Variants in WDR49 observed in about 807,000 individuals in gnomAD.
The protein encoded by WDR49 is WD repeat domain 49.
A neutral mutation model predicts 119.5 loss-of-function variants in WDR49; 107 were observed. The observed-to-expected ratio is 0.90, with a 90% CI of 0.77 to 1.05. WDR49 has a LOEUF of 1.05. WDR49 is among the 50% of genes least tolerant of loss of function. WDR49 has a pLI of 0.00. For missense variants in WDR49, 1,240 were observed against 1,220.5 expected, an observed-to-expected ratio of 1.02 and a Z score of -0.24; for synonymous variants, 425 against 418.8, an observed-to-expected ratio of 1.01 and a Z score of -0.18.
Position 167,576,117 on chromosome 3 carries a change from G to A in WDR49, c.1310C>T (p.Ser437Phe), listed in dbSNP as rs576003120. The change falls in exon 8 of 19, where the codon TCC (serine) becomes TTC (phenylalanine). Residue 437 changes from serine to phenylalanine, a missense_variant. Physicochemically the swap from Ser to Phe is radical, Grantham distance 155. Coordinates refer to ENST00000682715, the MANE Select transcript of WDR49 (RefSeq NM_001366157.1). ...GAAAGAACAAGCTATCCTCTGGATG[G>A]ACAGCTGGTGTTGAATATCCCAGAG... The part of the protein sequence containing the change: ...LRLWDIQHQL[S>F]IQRIACSFPK... 6.2e-7 allele frequency: 1 copy of A among 1,614,078 alleles called. No individual in the cohort carries two copies. The highest frequency in any genetic ancestry group is 1.7e-5 in the Admixed American group (1 of 60,024).
At chr3:167,614,288 A>G (rs1716493841) in intron 5 of WDR49, among the ~76,000 whole-genome samples, 1 of 152,014 alleles carries the variant, frequency 6.6e-6, no homozygotes, top group South Asian at 2.1e-4. Context: ...TAGTAGAGAC[A>G]TGGTTTCACC....
rs552753028 is a variant in WDR49, at chr3:167,575,447, C to G, written c.1509+471G>C. ...CAAGTGGCATCATGTTTAACTGAAT[C>G]ATTTTATTATGAATACATTCTGGGC... On this transcript the variant is annotated intron_variant, in intron 8 of 18. Coordinates refer to ENST00000682715, the MANE Select transcript of WDR49 (RefSeq NM_001366157.1). Among the ~76,000 whole-genome samples the G allele has an allele frequency of 2.2e-4, 33 of 152,308 alleles. No homozygotes were observed. In the South Asian group the frequency reaches 6.8e-3, roughly 32 times the overall value.
chr3:167,618,550 T>C (rs554086730), intron 5 of WDR49, among the ~76,000 whole-genome samples: 53 of 152,310 alleles, frequency 3.5e-4, no homozygotes, highest in Non-Finnish European at 5.9e-4. Context: ...CTGAGAAATA[T>C]ATAATACGAA....
intron 2 of WDR49, among the ~76,000 whole-genome samples, chr3:167,649,954 C>A (rs1406683113): frequency 3.3e-5 from 5 of 152,174 alleles, no homozygotes; most frequent in African/African-American, 9.7e-5. Context: ...CAGGACCTAA[C>A]CTGGAGAGCC....
chr3:167,544,304 GA>G (rs1560278245), intron 10 of WDR49, among the ~76,000 whole-genome samples: 1 of 151,866 alleles, frequency 6.6e-6, no homozygotes, highest in Admixed American at 6.6e-5. Context: ...CACAGAATTA[GA>G]AAAAACAAAC....
intron 8 of WDR49, among the ~76,000 whole-genome samples, chr3:167,573,960 CCTTTTAGAGATGTTAG>C (rs1714093802): frequency 6.6e-6 from 1 of 152,200 alleles, no homozygotes; most frequent in South Asian, 2.1e-4. Flanking sequence ...ACTTCCTCCT[CCTTTTAGAGATGTTAG>C]CTTTCAGGGC....
At chr3:167,494,324 T>A (rs1751263208) in intron 18 of WDR49, among the ~76,000 whole-genome samples, 1 of 152,220 alleles carries the variant, frequency 6.6e-6, no homozygotes, top group Non-Finnish European at 1.5e-5. Flanking sequence ...AGCCCCATTA[T>A]AAGGCATCTA....
At chr3:167,647,487 T>G (rs904001482) in intron 2 of WDR49, among the ~76,000 whole-genome samples, 3 of 152,334 alleles carry the variant, frequency 2.0e-5, no homozygotes, top group South Asian at 4.1e-4. Flanking sequence ...GTTTTGGTGA[T>G]GACGCCATTT....
At chr3:167,514,669 A>C (rs1553861570) in intron 16 of WDR49, among the ~76,000 whole-genome samples, 1 of 138,354 alleles carries the variant, frequency 7.2e-6, no homozygotes, top group African/African-American at 2.6e-5. Flanking sequence ...ACACACACAC[A>C]CCCTTCAAAA....
intron 5 of WDR49, among the ~76,000 whole-genome samples, chr3:167,619,200 T>C (rs945211765): frequency 1.3e-5 from 2 of 152,150 alleles, no homozygotes; most frequent in Non-Finnish European, 2.9e-5. Flanking sequence ...ATTATTATAA[T>C]CTAGTCTTTG....
chr3:167,485,443 T>C, intron 18 of WDR49, among the ~76,000 whole-genome samples: 1 of 151,872 alleles, frequency 6.6e-6, no homozygotes, highest in East Asian at 1.9e-4. Flanking sequence ...AGACATAGAA[T>C]TCAGCATCTG....
At chr3:167,652,883 A>G (rs1232933413) in intron 2 of WDR49, among the ~76,000 whole-genome samples, 1 of 152,160 alleles carries the variant, frequency 6.6e-6, no homozygotes, top group Non-Finnish European at 1.5e-5. Context: ...CTATGTCCGT[A>G]TTAAATGCAA....
chr3:167,503,855 C>T (rs947753363), intron 17 of WDR49, among the ~76,000 whole-genome samples: 3 of 152,200 alleles, frequency 2.0e-5, no homozygotes, highest in African/African-American at 4.8e-5. Context: ...TTGCCGTTGC[C>T]GGCTCGAATG....
intron 14 of WDR49, 110 bp downstream of exon 14, chr3:167,528,942 T>C: frequency 1.3e-6 from 1 of 770,422 alleles, no homozygotes; most frequent in East Asian, 3.0e-5. Flanking sequence ...ACACTTAGAC[T>C]ATACATTTTT....
chr3:167,492,594 A>G (rs986791655), intron 18 of WDR49, among the ~76,000 whole-genome samples: 3 of 152,160 alleles, frequency 2.0e-5, no homozygotes, highest in African/African-American at 7.2e-5. Flanking sequence ...TTAGGGCTTC[A>G]CATGGGTTAT....
intron 2 of WDR49, among the ~76,000 whole-genome samples, chr3:167,628,851 C>T (rs548913046): frequency 3.3e-5 from 5 of 152,242 alleles, no homozygotes; most frequent in African/African-American, 1.2e-4. Flanking sequence ...TGCCTGGCTT[C>T]AAAGCTTCAA....
intron 7 of WDR49, among the ~76,000 whole-genome samples, chr3:167,600,895 G>A (rs887767441): frequency 3.3e-5 from 5 of 152,046 alleles, no homozygotes; most frequent in South Asian, 2.1e-4. Context: ...GGAGAAAAGC[G>A]GGAAGTGAAG....
chr3:167,551,343 A>T (rs563418851), intron 10 of WDR49, among the ~76,000 whole-genome samples: 2 of 151,968 alleles, frequency 1.3e-5, no homozygotes, highest in Non-Finnish European at 2.9e-5. Flanking sequence ...AGGAAAGGGG[A>T]AAAAAAGAGA....
At chr3:167,622,181 C>G (rs1047539849) in intron 3 of WDR49, among the ~76,000 whole-genome samples, 1 of 151,916 alleles carries the variant, frequency 6.6e-6, no homozygotes, top group Non-Finnish European at 1.5e-5. Flanking sequence ...TAGAAAAAGA[C>G]TTCAATTCAA....
Sources: gnomAD v4.1 joint callset for allele counts (sites outside exome capture counted in the v4.1 genomes callset) on GRCh38, gnomAD v4.1.1 for gene constraint, MANE v1.5 for transcripts, NCBI Gene and HGNC (gene_info 2026-07-23, HGNC 2026-07-21) for gene names.